Variants in STK39 observed in about 807,000 individuals in gnomAD.
The protein encoded by STK39 is STE20/SPS1-related proline-alanine-rich protein kinase.
A neutral mutation model predicts 77.8 loss-of-function variants in STK39; 20 were observed. That is an observed-to-expected ratio of 0.26 (90% CI 0.18 to 0.37). The LOEUF is 0.37. STK39 is among the 10% of genes least tolerant of loss of function. STK39 has a pLI of 1.00. For synonymous variants in STK39, 246 were observed against 234.1 expected (o/e 1.05, Z -0.47); for missense variants, 479 against 656.5 (o/e 0.73, Z 2.95).
intron 5 of STK39, among the ~76,000 whole-genome samples, chr2:168,158,084 G>A (rs759829009): frequency 2.1e-4 from 32 of 152,138 alleles, no homozygotes; most frequent in Non-Finnish European, 3.8e-4. Context: ...CAATATGACA[G>A]GGCATCAAAT....
chr2:168,040,386 A>T (rs1685072961), intron 14 of STK39, among the ~76,000 whole-genome samples: 1 of 152,238 alleles, frequency 6.6e-6, no homozygotes, highest in Non-Finnish European at 1.5e-5. Flanking sequence ...GTCATAGCAG[A>T]TAAATCACAA....
At chr2:168,178,733 C>A (rs1379377963) in intron 2 of STK39, among the ~76,000 whole-genome samples, 5 of 152,190 alleles carry the variant, frequency 3.3e-5, no homozygotes, top group Non-Finnish European at 1.5e-5. Flanking sequence ...AAGAAGCTGA[C>A]ACTGTAATTA....
chr2:168,210,906 A>G (rs1175493257), intron 1 of STK39, among the ~76,000 whole-genome samples: 1 of 148,752 alleles, frequency 6.7e-6, no homozygotes, highest in Non-Finnish European at 1.5e-5. Flanking sequence ...GAGAAGAGAC[A>G]ATCTACACAA....
At chr2:168,202,991 T>C (rs1689647770) in intron 1 of STK39, among the ~76,000 whole-genome samples, 1 of 152,136 alleles carries the variant, frequency 6.6e-6, no homozygotes, top group Non-Finnish European at 1.5e-5. Flanking sequence ...ACAGAGCACC[T>C]CTATCAGTAG....
chr2:168,225,665 T>C (rs1177710090), intron 1 of STK39, among the ~76,000 whole-genome samples: 1 of 152,218 alleles, frequency 6.6e-6, no homozygotes, highest in Non-Finnish European at 1.5e-5. Flanking sequence ...AACTGCTCTT[T>C]AAACACATTG....
intron 8 of STK39, among the ~76,000 whole-genome samples, chr2:168,132,673 C>T (rs1417784377): frequency 6.6e-6 from 1 of 152,170 alleles, no homozygotes; most frequent in Non-Finnish European, 1.5e-5. Flanking sequence ...AGATACCTCT[C>T]CTAGCTCCTG....
At chr2:168,150,743 T>C (rs557017317) in intron 5 of STK39, among the ~76,000 whole-genome samples, 5 of 152,094 alleles carry the variant, frequency 3.3e-5, no homozygotes, top group African/African-American at 1.2e-4. Context: ...ATTAGAGTGA[T>C]AACCTTGAAT....
chr2:168,066,238 T>C (rs1007834028), intron 12 of STK39, among the ~76,000 whole-genome samples: 1 of 152,224 alleles, frequency 6.6e-6, no homozygotes, highest in South Asian at 2.1e-4. Context: ...TAGGGAAAAG[T>C]GTATTGATGT....
intron 17 of STK39, 130 bp downstream of exon 17, chr2:167,964,532 T>C (rs1692092638): frequency 1.2e-6 from 1 of 858,712 alleles, no homozygotes; most frequent in Non-Finnish European, 1.8e-6. Context: ...TGCTTCCAAA[T>C]GCAAAAATTG....
At chr2:168,004,997 CTTTTTTTTTTTT>C (rs10563812) in intron 16 of STK39, among the ~76,000 whole-genome samples, 55 of 77,570 alleles carry the variant, frequency 7.1e-4, no homozygotes, top group African/African-American at 2.5e-3. Flanking sequence ...AGAAGGCCCT[CTTTTTTTTTTTT>C]TTTTTTTTTT....
At chr2:167,988,928 G>A (rs1018527166) in intron 16 of STK39, among the ~76,000 whole-genome samples, 1 of 152,184 alleles carries the variant, frequency 6.6e-6, no homozygotes, top group African/African-American at 2.4e-5. Context: ...AGCAATCAGT[G>A]ACTGAGAGCT....
chr2:168,128,854 A>G (rs1371800270), intron 10 of STK39, among the ~76,000 whole-genome samples: 13 of 152,120 alleles, frequency 8.5e-5, no homozygotes. Flanking sequence ...GACTATATAC[A>G]TATTTTTAAT....
chr2:168,112,118 GAA>G (rs112516694), intron 10 of STK39, among the ~76,000 whole-genome samples: 2 of 133,428 alleles, frequency 1.5e-5, no homozygotes, highest in Admixed American at 7.4e-5. Context: ...AACATTTAAA[GAA>G]AAAAAAAAAA....
In STK39 at chr2:168,012,535, AT is replaced by A. The variant is rs113853472; in HGVS notation, c.1498+98del. 2,097 of 890,944 alleles carry A rather than the reference AT, an allele frequency of 2.4e-3. 28 individuals are homozygous for A. The African/African-American group carries it at 0.031, about 13-fold the overall frequency. The allele number at this position is 890,944 out of a possible 1,614,324, so 55.2% of individuals were successfully genotyped here. ...AGAATTCAAGAAGAATTCTTCAAAT[AT>A]TCAGAGTGAATTATTCCTTAATGAA... is the stretch of plus-strand genomic sequence containing the variant. On this transcript the variant is annotated intron_variant, in intron 16 of 17. Transcript: ENST00000355999.
At chr2:167,965,702 A>G (rs763203900) in intron 16 of STK39, among the ~76,000 whole-genome samples, 18 of 152,242 alleles carry the variant, frequency 1.2e-4, no homozygotes, top group Non-Finnish European at 1.9e-4. Context: ...TTATTTTTTT[A>G]TGAGTAAAAT....
Position 168,002,208 on chromosome 2 carries a change from A to C in STK39, c.1498+10426T>G, listed in dbSNP as rs74989111. The stretch of plus-strand genomic sequence containing the variant: ...TTTTAAAGAGGATATACAACTCCTA[A>C]CTAAATACAAAGTAACAAAGTTAAT... On this transcript the variant is annotated intron_variant, in intron 16 of 17. Transcript: ENST00000355999. Among the ~76,000 whole-genome samples the C allele has an allele frequency of 1.5e-4, 23 of 152,352 alleles. No individual in the cohort carries two copies. In the East Asian group the frequency reaches 4.2e-3, roughly 28 times the overall value.
At chr2:168,106,493 T>C (rs1452304207) in intron 10 of STK39, among the ~76,000 whole-genome samples, 1 of 152,214 alleles carries the variant, frequency 6.6e-6, no homozygotes, top group Admixed American at 6.5e-5. Flanking sequence ...ACAGATTATG[T>C]ACTATATTAG....
At chr2:168,186,509 C>A (rs1178025706) in intron 1 of STK39, among the ~76,000 whole-genome samples, 1 of 152,208 alleles carries the variant, frequency 6.6e-6, no homozygotes, top group Non-Finnish European at 1.5e-5. Flanking sequence ...CCTCTGGTAG[C>A]TCATTGTAGT....
chr2:168,096,927 A>G (rs1378057937), intron 10 of STK39, among the ~76,000 whole-genome samples: 2 of 152,218 alleles, frequency 1.3e-5, no homozygotes, highest in African/African-American at 4.8e-5. Flanking sequence ...CTGCCTTTCA[A>G]TGGGTATAAA....
Sources: gnomAD v4.1 joint callset for allele counts (sites outside exome capture counted in the v4.1 genomes callset) on GRCh38, gnomAD v4.1.1 for gene constraint, MANE v1.5 for transcripts, NCBI Gene and HGNC (gene_info 2026-07-23, HGNC 2026-07-21) for gene names.